The following BBOX1 variants were observed in gnomAD, a reference collection of about 807,000 sequenced individuals.
BBOX1 encodes gamma-butyrobetaine dioxygenase.
In BBOX1, 35 loss-of-function variants were observed where a neutral mutation model predicts 41.6. The observed-to-expected ratio is 0.84, with a 90% CI of 0.64 to 1.11. BBOX1 has a LOEUF of 1.11. Ranked by LOEUF, BBOX1 falls within the 50% of genes most tolerant of loss-of-function variation. The pLI, the probability that BBOX1 is intolerant of heterozygous loss-of-function variation, is 0.00. For missense variants in BBOX1, 458 were observed against 460.6 expected, an observed-to-expected ratio of 0.99 and a Z score of 0.05; for synonymous variants, 163 against 154.7, an observed-to-expected ratio of 1.05 and a Z score of -0.40.
At chr11:27,117,690 A>T (rs996087513) in intron 6 of BBOX1, among the ~76,000 whole-genome samples, 1 of 151,994 alleles carries the variant, frequency 6.6e-6, no homozygotes, top group Non-Finnish European at 1.5e-5. Context: ...TTAAAATTTG[A>T]AGCCTAAGGA....
At chr11:27,058,896 G>A (rs965249492) in intron 4 of BBOX1, among the ~76,000 whole-genome samples, 1 of 152,190 alleles carries the variant, frequency 6.6e-6, no homozygotes, top group African/African-American at 2.4e-5. Flanking sequence ...ACCTATTCAT[G>A]TCTAGGCAGA....
Position 27,071,992 on chromosome 11 carries a change from TC to T in BBOX1, c.334+14680del, listed in dbSNP as rs1857466783. Among the ~76,000 whole-genome samples, 6 of 151,630 alleles carry T rather than the reference TC, an allele frequency of 4.0e-5. No individual in the cohort carries two copies. The South Asian group carries it at 1.2e-3, about 32-fold the overall frequency. On this transcript the variant is annotated intron_variant, in intron 4 of 8. Coordinates refer to ENST00000263182, the MANE Select transcript of BBOX1 (RefSeq NM_003986.3). ...CTGAATGGGCAAAAACTGGAAACAT[TC>T]CCTTTGAAAACTGGTCACAAGACAA...
chr11:27,046,071 C>T (rs1313097409), intron 2 of BBOX1, among the ~76,000 whole-genome samples: 3 of 152,110 alleles, frequency 2.0e-5, no homozygotes, highest in Non-Finnish European at 2.9e-5. Flanking sequence ...AAATCACACC[C>T]AACATTTCTG....
intron 4 of BBOX1, among the ~76,000 whole-genome samples, chr11:27,072,072 G>A (rs1351173186): frequency 6.6e-6 from 1 of 152,112 alleles, no homozygotes; most frequent in Non-Finnish European, 1.5e-5. Flanking sequence ...TTCTGGCCAG[G>A]GCATCGGTCA....
In BBOX1 at chr11:27,062,358, A is replaced by G. The variant is rs573081171; in HGVS notation, c.334+5043A>G. 5.9e-5 allele frequency among the ~76,000 whole-genome samples: 9 copies of G among 152,316 alleles called. No homozygotes were observed. In the South Asian group the frequency reaches 1.9e-3, roughly 32 times the overall value. On this transcript the variant is annotated intron_variant, in intron 4 of 8. Coordinates refer to ENST00000263182, the MANE Select transcript of BBOX1 (RefSeq NM_003986.3). ...GAGTTTTCCCAACAAGGGCTCAGAT[A>G]TGCCATCCCCTTAGCTTCTCCATAC...
At chr11:27,089,694 A>G (rs1471260249) in intron 4 of BBOX1, among the ~76,000 whole-genome samples, 2 of 151,988 alleles carry the variant, frequency 1.3e-5, no homozygotes, top group Non-Finnish European at 2.9e-5. Flanking sequence ...CTAATACTCC[A>G]TGAGCCCCTG....
rs1859704404 is a variant in BBOX1, at chr11:27,127,352, G to A, written c.1063G>A (p.Gly355Arg). ...TCATGGCCGACGTAGCTATGAAGCAGGAACTGAGATATCCCGCCATCTAGA... is the reference window on the plus strand; with the variant it reads ...TCATGGCCGACGTAGCTATGAAGCAAGAACTGAGATATCCCGCCATCTAGA... ...LLHGRRSYEAGTEISRHLEGA... is the reference protein window; with the variant it reads ...LLHGRRSYEARTEISRHLEGA... The change falls in exon 9 of 9, where the codon GGA becomes AGA. Residue 355 changes from glycine to arginine, a missense_variant. Coordinates refer to ENST00000263182, the MANE Select transcript of BBOX1 (RefSeq NM_003986.3). The A allele has an allele frequency of 6.2e-7, 1 of 1,614,048 alleles. No individual in the cohort carries two copies. The highest frequency in any genetic ancestry group is 1.1e-5 in the South Asian group (1 of 91,080).
chr11:27,105,978 A>G (rs1464787246), intron 5 of BBOX1, among the ~76,000 whole-genome samples: 1 of 152,162 alleles, frequency 6.6e-6, no homozygotes, highest in Non-Finnish European at 1.5e-5. Flanking sequence ...AGAATTTCAT[A>G]TCTAGCCAAA....
chr11:27,127,528 T>A lies in BBOX1; in HGVS notation c.*75T>A. Reference sequence around the variant, plus strand: ...GATATGGCACATTATTCACAGACCATGATCTTTGTGATTTACATATAATTT... The same window carrying A: ...GATATGGCACATTATTCACAGACCAAGATCTTTGTGATTTACATATAATTT... On this transcript the variant is annotated 3_prime_UTR_variant, in exon 9 of 9. Transcript: ENST00000263182. The A allele has an allele frequency of 6.9e-7, 1 of 1,453,226 alleles. No homozygotes were observed. Among genetic ancestry groups the A allele is most frequent in the Non-Finnish European group, 9.3e-7 (1 of 1,074,812 alleles). The allele number at this position is 1,453,226 out of a possible 1,614,324, so 90.0% of individuals were successfully genotyped here. A position where few individuals can be genotyped will look rare whatever the true frequency, so the allele number is the denominator to read the frequency against.
chr11:27,101,561 G>A (rs1858657738), intron 5 of BBOX1, among the ~76,000 whole-genome samples: 1 of 151,954 alleles, frequency 6.6e-6, no homozygotes, highest in African/African-American at 2.4e-5. Context: ...GCTTCCTTTG[G>A]AGCAAATTGC....
At chr11:27,102,183 A>G (rs941915344) in intron 5 of BBOX1, among the ~76,000 whole-genome samples, 1 of 152,232 alleles carries the variant, frequency 6.6e-6, no homozygotes, top group African/African-American at 2.4e-5. Context: ...AAAGCAAAGT[A>G]CAGTGCTAAG....
chr11:27,088,526 G>C (rs1464091635), intron 4 of BBOX1, among the ~76,000 whole-genome samples: 1 of 151,878 alleles, frequency 6.6e-6, no homozygotes, highest in Non-Finnish European at 1.5e-5. Context: ...AGGAGCCAAG[G>C]TTTATCTTTA....
At chr11:27,108,421 ATAT>A (rs1202541645) in intron 5 of BBOX1, among the ~76,000 whole-genome samples, 3 of 152,244 alleles carry the variant, frequency 2.0e-5, no homozygotes, top group African/African-American at 7.2e-5. Flanking sequence ...TTCTTAGAAG[ATAT>A]TATGCATTCT....
At chr11:27,042,180 C>T (rs1360040919) in intron 2 of BBOX1, among the ~76,000 whole-genome samples, 1 of 152,052 alleles carries the variant, frequency 6.6e-6, no homozygotes, top group Non-Finnish European at 1.5e-5. Context: ...AAAACAAAGC[C>T]TTGATAATTT....
In BBOX1 at chr11:27,111,728, C is replaced by A. The variant is rs117579256; in HGVS notation, c.534-3724C>A. ...CTATTCAATTTGGAATGATAGGAAACAAATTTGTTATATTACAAATGGTAA... is the reference window on the plus strand; with the variant it reads ...CTATTCAATTTGGAATGATAGGAAAAAAATTTGTTATATTACAAATGGTAA... On this transcript the variant is annotated intron_variant, in intron 5 of 8. Coordinates refer to ENST00000263182, the MANE Select transcript of BBOX1 (RefSeq NM_003986.3). Among the ~76,000 whole-genome samples, 1,381 of 151,846 alleles carry A rather than the reference C, an allele frequency of 9.1e-3. 12 individuals are homozygous for A. The highest frequency in any genetic ancestry group is 0.015 in the Non-Finnish European group (1,005 of 67,898).
chr11:27,104,969 C>G (rs1858809633), intron 5 of BBOX1, among the ~76,000 whole-genome samples: 1 of 152,162 alleles, frequency 6.6e-6, no homozygotes, highest in South Asian at 2.1e-4. Context: ...CTGCTGATAC[C>G]TAGGAAAACA....
chr11:27,102,119 T>A (rs562762396), intron 5 of BBOX1, among the ~76,000 whole-genome samples: 39 of 152,214 alleles, frequency 2.6e-4, no homozygotes, highest in African/African-American at 9.1e-4. Context: ...TATGTTTATG[T>A]CAATTAAATT....
intron 5 of BBOX1, among the ~76,000 whole-genome samples, chr11:27,103,123 G>C (rs1156992008): frequency 6.6e-6 from 1 of 152,088 alleles, no homozygotes; most frequent in African/African-American, 2.4e-5. Flanking sequence ...CCACGAGGCG[G>C]AGGTTGCAGT....
chr11:27,094,118 C>T (rs139760444), intron 5 of BBOX1, among the ~76,000 whole-genome samples: 2 of 151,862 alleles, frequency 1.3e-5, no homozygotes, highest in Non-Finnish European at 2.9e-5. Context: ...TAAAATTAGG[C>T]CTATGTGGTT....
Sources: gnomAD v4.1 joint callset for allele counts (sites outside exome capture counted in the v4.1 genomes callset) on GRCh38, gnomAD v4.1.1 for gene constraint, MANE v1.5 for transcripts, NCBI Gene and HGNC (gene_info 2026-07-23, HGNC 2026-07-21) for gene names.